RFPL1: variants seen among roughly 807,000 people sequenced by gnomAD.
The protein encoded by RFPL1 is ret finger protein-like 1.
In RFPL1, 6 loss-of-function variants were observed where a neutral mutation model predicts 9.6. That is an observed-to-expected ratio of 0.62 (90% CI 0.34 to 1.23). The LOEUF is 1.23. Ranked by LOEUF, RFPL1 falls within the 50% of genes most tolerant of loss-of-function variation. The pLI, the probability that RFPL1 is intolerant of heterozygous loss-of-function variation, is 0.03. For missense variants in RFPL1, 352 were observed against 398.4 expected (o/e 0.88, Z 0.99); for synonymous variants, 145 against 149.4 (o/e 0.97, Z 0.22).
chr22:29,422,865 C>T, the RFPL1 span, among the ~76,000 whole-genome samples: 96,320 of 151,804 alleles, frequency 0.63, 32,544 homozygotes, highest in African/African-American at 0.87. Flanking sequence ...GATTGTGTGT[C>T]TTCTTTCCCC....
At chr22:29,400,429 T>A in the RFPL1 span, among the ~76,000 whole-genome samples, 1 of 152,222 alleles carries the variant, frequency 6.6e-6, no homozygotes, top group African/African-American at 2.4e-5. Context: ...AAGAAATGTC[T>A]CTAGTCACAC....
chr22:29,424,610 G>A, the RFPL1 span, among the ~76,000 whole-genome samples: 13 of 146,498 alleles, frequency 8.9e-5, no homozygotes, highest in East Asian at 2.0e-3. Flanking sequence ...TCTGCTTCCC[G>A]CTTCTGAAAA....
rs1162896725 is a variant in RFPL1 at position 29,439,080 on chromosome 22, G to C, written c.289G>C (p.Glu97Gln). The C allele has an allele frequency of 1.9e-6, 3 of 1,614,046 alleles. No individual in the cohort carries two copies. The African/African-American group carries it at 4.0e-5, about 22-fold the overall frequency. ...CAAAATCAGGCCCAGTTGGCAGCTAGAGAGGCTGGCTTCCCACATCAAGGA... is the reference window on the plus strand; with the variant it reads ...CAAAATCAGGCCCAGTTGGCAGCTACAGAGGCTGGCTTCCCACATCAAGGA... The change falls in exon 1 of 2, where the codon GAG becomes CAG. Residue 97 changes from glutamate (E) to glutamine (Q), a missense_variant. Physicochemically the swap from Glu to Gln is conservative, Grantham distance 29. Coordinates refer to ENST00000354373, the Ensembl canonical transcript of RFPL1.
At chr22:29,442,210 A>G in exon 2 of RFPL1, 1 of 981,436 alleles carries the variant, frequency 1.0e-6, no homozygotes, top group Non-Finnish European at 1.5e-6. Context: ...AAAGCGTTAT[A>G]CAAAGTCATA....
chr22:29,415,155 C>A, the RFPL1 span, among the ~76,000 whole-genome samples: 3 of 151,634 alleles, frequency 2.0e-5, no homozygotes, highest in Non-Finnish European at 2.9e-5. Context: ...TTCCCAAGAC[C>A]GGTCCTGTCA....
At chr22:29,420,921 G>C in the RFPL1 span, among the ~76,000 whole-genome samples, 1 of 151,994 alleles carries the variant, frequency 6.6e-6, no homozygotes, top group African/African-American at 2.4e-5. Context: ...GATTACAGGC[G>C]TGATCCACCG....
the RFPL1 span, among the ~76,000 whole-genome samples, chr22:29,417,672 A>T: frequency 1.3e-5 from 2 of 150,884 alleles, no homozygotes; most frequent in African/African-American, 2.5e-5. Context: ...ACAATATGGG[A>T]ATTGTAAGGA....
At chr22:29,412,433 C>T in the RFPL1 span, among the ~76,000 whole-genome samples, 1 of 152,146 alleles carries the variant, frequency 6.6e-6, no homozygotes, top group Admixed American at 6.5e-5. Flanking sequence ...ACACGAGTTC[C>T]AGGGCAGGGT....
chr22:29,404,207 AAAAC>A, the RFPL1 span, among the ~76,000 whole-genome samples: 7 of 151,524 alleles, frequency 4.6e-5, no homozygotes, highest in Non-Finnish European at 8.8e-5. Context: ...TGTGATTATT[AAAAC>A]AAACAAAAAA....
At chr22:29,401,510 TACACAGTCCATCA>T in the RFPL1 span, among the ~76,000 whole-genome samples, 1 of 152,232 alleles carries the variant, frequency 6.6e-6, no homozygotes, top group East Asian at 1.9e-4. Flanking sequence ...CACTGCTATT[TACACAGTCCATCA>T]AACTAGGGCC....
exon 1 of RFPL1, chr22:29,438,644 T>A (rs994497888): frequency 3.2e-5 from 48 of 1,485,130 alleles, no homozygotes; most frequent in Non-Finnish European, 3.9e-5. Context: ...TTCCTCCACC[T>A]CAGTTCAGAG....
At chr22:29,416,442 A>C in the RFPL1 span, among the ~76,000 whole-genome samples, 1 of 152,342 alleles carries the variant, frequency 6.6e-6, no homozygotes, top group East Asian at 1.9e-4. Flanking sequence ...AGAGAGACCC[A>C]GCTGACCGTC....
upstream of RFPL1, among the ~76,000 whole-genome samples, chr22:29,435,996 G>T (rs1189828342): frequency 6.6e-6 from 1 of 152,156 alleles, no homozygotes; most frequent in Non-Finnish European, 1.5e-5. Flanking sequence ...AATGAAAAAT[G>T]CTGAGCTCAC....
chr22:29,407,216 T>C, the RFPL1 span, among the ~76,000 whole-genome samples: 50 of 151,566 alleles, frequency 3.3e-4, no homozygotes, highest in East Asian at 8.9e-3. Context: ...CACCTCAGCC[T>C]CCCAAGTAGC....
chr22:29,421,426 C>CA, the RFPL1 span, among the ~76,000 whole-genome samples: 18,707 of 150,174 alleles, frequency 0.12, 1,583 homozygotes, highest in East Asian at 0.36. Flanking sequence ...GACTCTGTCT[C>CA]AAAAAAAACA....
chr22:29,435,684 T>C (rs1326254931), upstream of RFPL1, among the ~76,000 whole-genome samples: 3 of 151,500 alleles, frequency 2.0e-5, no homozygotes, highest in Non-Finnish European at 4.4e-5. Context: ...AATTTTTTAA[T>C]AGAACTAAAT....
chr22:29,395,971 G>A, the RFPL1 span, among the ~76,000 whole-genome samples: 1 of 151,610 alleles, frequency 6.6e-6, no homozygotes, highest in Non-Finnish European at 1.5e-5. Context: ...AGACTCTGTC[G>A]AAAAGAGAAG....
At chr22:29,441,310 G>A (rs560809105) in intron 1 of RFPL1, 16 of 533,734 alleles carry the variant, frequency 3.0e-5, no homozygotes, top group South Asian at 2.5e-4. Context: ...AAGCAAACAC[G>A]TGACATAAAG....
the RFPL1 span, among the ~76,000 whole-genome samples, chr22:29,426,265 G>A: frequency 6.6e-6 from 1 of 151,846 alleles, no homozygotes. Context: ...GAGGGTTACG[G>A]AGATCTGAGA....
Sources: gnomAD v4.1 joint callset for allele counts (sites outside exome capture counted in the v4.1 genomes callset) on GRCh38, gnomAD v4.1.1 for gene constraint, MANE v1.5 for transcripts, NCBI Gene and HGNC (gene_info 2026-07-23, HGNC 2026-07-21) for gene names.